Variants in CFAP74 observed in about 807,000 individuals in gnomAD.
CFAP74 encodes cilia- and flagella-associated protein 74.
In CFAP74, 124 loss-of-function variants were observed where a neutral mutation model predicts 188.9. The ratio of observed to expected loss-of-function variants is 0.66; its 90% CI spans 0.57 to 0.76. The LOEUF is 0.76. Ranked by LOEUF, CFAP74 falls within the 30% of genes least tolerant of loss-of-function variation. The probability of loss-of-function intolerance (pLI) is 0.00; values close to 1 mark genes in which losing one functional copy is unlikely to be tolerated. For synonymous variants in CFAP74, 956 were observed against 916.7 expected, an observed-to-expected ratio of 1.04 and a Z score of -0.77; for missense variants, 2,198 against 2,165.2, an observed-to-expected ratio of 1.02 and a Z score of -0.30.
chr1:1,963,987 C>T, intron 13 of CFAP74, 120 bp from the exon 14 acceptor site: 2 of 718,014 alleles, frequency 2.8e-6, no homozygotes, highest in East Asian at 2.6e-5. Flanking sequence ...GAGAGGTTCC[C>T]AGGGAACAAT....
rs186373068 is a variant in CFAP74, at chr1:1,975,949, G to A, written c.501-1751C>T. Among the ~76,000 whole-genome samples the A allele has an allele frequency of 6.6e-5, 10 of 152,264 alleles. No individual in the cohort carries two copies. The highest frequency in any genetic ancestry group is 1.4e-4 in the African/African-American group (6 of 41,564). On this transcript the variant is annotated intron_variant, in intron 6 of 38. Coordinates refer to ENST00000682832, the MANE Select transcript of CFAP74 (RefSeq NM_001304360.2). The surrounding 1 kb of genome is among the most constrained non-coding windows in gnomAD (Gnocchi z 4.5). ...CTGCTGTAGGAAAACACCCACGACC[G>A]GGTCTTCGCAAACAACAGAATTTCA...
rs771172164 is a variant in CFAP74, at chr1:1,968,761, C to T, written c.1119G>A (p.Glu373=). The part of the protein sequence containing the change: ...ISRILKEEAE[E]EKRKKQHPPT... ...GGGGATGCTGTTTCTTCCTCTTTTC[C>T]TCCTCAGCCTCCTCTTTCAGAATCC... Residue 373 remains glutamate, a synonymous_variant, in exon 11 of 39, where the codon GAG becomes GAA. Transcript: ENST00000682832. The surrounding 1 kb of genome is among the most constrained non-coding windows in gnomAD (Gnocchi z 4.3). 3.7e-6 allele frequency: 6 copies of T among 1,614,118 alleles called. No homozygotes were observed. The highest frequency in any genetic ancestry group is 3.3e-5 in the Admixed American group (2 of 60,016).
At chr1:1,991,768 G>C (rs571697187) in intron 1 of CFAP74, among the ~76,000 whole-genome samples, 15 of 152,154 alleles carry the variant, frequency 9.9e-5, no homozygotes, top group East Asian at 3.9e-4. Flanking sequence ...GGCTGGGCGT[G>C]GTGGCTCACA....
At chr1:1,946,690 C>T (rs544993792) in intron 19 of CFAP74, among the ~76,000 whole-genome samples, 3 of 152,282 alleles carry the variant, frequency 2.0e-5, no homozygotes, top group South Asian at 2.1e-4. Context: ...AGCTCATGGC[C>T]GTGTCCCAGC....
At position 1,955,803 on chromosome 1, in the gene CFAP74, G is replaced by A; in HGVS notation, c.2064C>T (p.Ala688=). ...CTAGCTGCTGCTCAGAGAAGCTGGT[G>A]GCGGCTTTGTCATACAAGCTTTTAT... ...YEDKSLYDKA[A]TSFSEQQLEG... Residue 688 remains alanine, a synonymous_variant, in exon 18 of 39, where the codon GCC becomes GCT. Coordinates refer to ENST00000682832, the MANE Select transcript of CFAP74 (RefSeq NM_001304360.2). The A allele has an allele frequency of 1.2e-6, 2 of 1,614,174 alleles. No homozygotes were observed. Among genetic ancestry groups the A allele is most frequent in the Non-Finnish European group, 1.7e-6 (2 of 1,180,042 alleles).
Position 1,922,154 on chromosome 1 carries a change from T to C in CFAP74, c.*133A>G. 8.1e-6 allele frequency: 5 copies of C among 621,060 alleles called. No individual in the cohort carries two copies. The highest frequency in any genetic ancestry group is 3.3e-5 in the Admixed American group (1 of 30,536). 38.5% of individuals were successfully genotyped at this position (621,060 alleles called of 1,614,324 possible). ...GCAGCAGGAAGTGGCCGTGGCGCCA[T>C]GTGGAGGGCGGCCTATTGGAATCTG... On this transcript the variant is annotated 3_prime_UTR_variant, in exon 39 of 39. Coordinates refer to ENST00000682832, the MANE Select transcript of CFAP74 (RefSeq NM_001304360.2).
At chr1:1,972,533 A>G (rs1045911525) in intron 8 of CFAP74, among the ~76,000 whole-genome samples, 1 of 152,240 alleles carries the variant, frequency 6.6e-6, no homozygotes, top group Non-Finnish European at 1.5e-5. Context: ...GTTTTTGATG[A>G]TAAGGTGGTG....
intron 1 of CFAP74, among the ~76,000 whole-genome samples, chr1:1,993,981 C>CAAAAAAAATAA (rs1657775694): frequency 6.7e-6 from 1 of 149,944 alleles, no homozygotes; most frequent in Non-Finnish European, 1.5e-5. Flanking sequence ...GACTCCGTCT[C>CAAAAAAAATAA]AAAAAAAATA....
intron 1 of CFAP74, 69 bp from the exon 2 acceptor site, chr1:1,991,044 TC>T: frequency 9.2e-7 from 1 of 1,091,724 alleles, no homozygotes. Flanking sequence ...ATTAACCATT[TC>T]TCTTAAAGAA....
At chr1:1,970,355 T>A (rs1558040624) in intron 10 of CFAP74, among the ~76,000 whole-genome samples, 1 of 151,730 alleles carries the variant, frequency 6.6e-6, no homozygotes, top group Non-Finnish European at 1.5e-5. Context: ...TCCCTCCTTG[T>A]GAGAAGTCAG....
At chr1:1,957,766 C>T (rs1329444025) in intron 16 of CFAP74, among the ~76,000 whole-genome samples, 6 of 141,150 alleles carry the variant, frequency 4.3e-5, no homozygotes, top group African/African-American at 1.2e-4. Context: ...TGGCTGTCTG[C>T]GGGGGGGCGG....
intron 1 of CFAP74, among the ~76,000 whole-genome samples, chr1:1,998,397 C>T (rs946593756): frequency 2.0e-5 from 3 of 152,014 alleles, no homozygotes; most frequent in Non-Finnish European, 2.9e-5. Flanking sequence ...AATGATATAT[C>T]GCCTGGGATT....
chr1:1,984,655 G>GGTC (rs1657121840), intron 6 of CFAP74: 1 of 152,730 alleles, frequency 6.5e-6, no homozygotes, highest in East Asian at 1.9e-4. Context: ...TCAGAGACTG[G>GGTC]GTCGTGACTA....
In CFAP74 at chr1:1,923,437, G is replaced by A. The variant is rs770367119; in HGVS notation, c.4452C>T (p.Gly1484=). ...AACQHMMFVE[G]GDPLDVPVES... ...CCACGGGCACGTCCAGGGGGTCGCC[G>A]CCCTCCACGAACATCATGTGCTGAC... is the stretch of plus-strand genomic sequence containing the variant. The change falls in exon 36 of 39, where the codon GGC becomes GGT. Residue 1484 remains glycine, a synonymous_variant. Transcript: ENST00000682832. The surrounding 1 kb of genome is among the most constrained non-coding windows in gnomAD (Gnocchi z 6.3). The A allele has an allele frequency of 6.2e-6, 10 of 1,606,386 alleles. No homozygotes were observed. Among genetic ancestry groups the A allele is most frequent in the South Asian group, 5.6e-5 (5 of 89,782 alleles).
rs761621335 is a variant in CFAP74, at chr1:1,922,540, GC to G, written c.4818+48del. 4 of 1,599,338 alleles carry G rather than the reference GC, an allele frequency of 2.5e-6. No homozygotes were observed. The Admixed American group carries it at 6.9e-5, about 28-fold the overall frequency. ...CTGGGCAGGGGTGTCAGCCCACCCA[GC>G]CTTTGGCGTTCCCAGGGCTCCCTGG... On this transcript the variant is annotated intron_variant, in intron 38 of 38. Transcript: ENST00000682832.
intron 11 of CFAP74, among the ~76,000 whole-genome samples, chr1:1,967,392 A>G (rs986426774): frequency 7.9e-6 from 1 of 125,928 alleles, no homozygotes; most frequent in Non-Finnish European, 1.6e-5. Context: ...TGACCTGTAT[A>G]GTGCCACAGG....
At chr1:1,952,020 T>A (rs1055425978) in intron 18 of CFAP74, among the ~76,000 whole-genome samples, 1 of 152,160 alleles carries the variant, frequency 6.6e-6, no homozygotes, top group Non-Finnish European at 1.5e-5. Flanking sequence ...ACGAGAAGCA[T>A]AGCTCACTGC....
At chr1:1,941,030 G>GT (rs1187962082) in intron 22 of CFAP74, among the ~76,000 whole-genome samples, 2 of 152,058 alleles carry the variant, frequency 1.3e-5, no homozygotes, top group Middle Eastern at 3.2e-3. Context: ...GGAGAATGGC[G>GT]TGAACCCGGG....
chr1:1,927,281 A>G, intron 28 of CFAP74: 1 of 586,132 alleles, frequency 1.7e-6, no homozygotes. Flanking sequence ...CCCTGGCTAG[A>G]GAGCCATGTT....
Sources: gnomAD v4.1 joint callset for allele counts (sites outside exome capture counted in the v4.1 genomes callset) on GRCh38, gnomAD v4.1.1 for gene constraint, Gnocchi (gnomAD v3.1) non-coding constraint, MANE v1.5 for transcripts, NCBI Gene and HGNC (gene_info 2026-07-23, HGNC 2026-07-21) for gene names.